Variants in KIF1B observed in about 807,000 individuals in gnomAD.
The protein encoded by KIF1B is kinesin-like protein KIF1B.
KIF1B carries 76 observed loss-of-function variants against 241.9 expected under a neutral mutation model. The observed-to-expected ratio is 0.31, with a 90% CI of 0.26 to 0.38. The LOEUF is 0.38. Among genes scored for constraint, KIF1B ranks in the 10% least tolerant of loss-of-function variants. The pLI, the probability that KIF1B is intolerant of heterozygous loss-of-function variation, is 1.00. For missense variants in KIF1B, 1,622 were observed against 2,271.4 expected (o/e 0.71, Z 5.81); for synonymous variants, 750 against 796.7 (o/e 0.94, Z 0.99).
At chr1:10,258,024 G>T (rs1050348572) in intron 3 of KIF1B, among the ~76,000 whole-genome samples, 2 of 152,218 alleles carry the variant, frequency 1.3e-5, no homozygotes, top group African/African-American at 4.8e-5. Context: ...ATTGTCAAGG[G>T]AAGGGACTGA....
rs1464380785 is a variant in KIF1B, at chr1:10,310,831, G to C, written c.2116-9212G>C. Among the ~76,000 whole-genome samples, 3 of 151,476 alleles carry C rather than the reference G, an allele frequency of 2.0e-5. No individual in the cohort carries two copies. In the East Asian group the frequency reaches 5.8e-4, roughly 29 times the overall value. On this transcript the variant is annotated intron_variant, in intron 22 of 48. Coordinates refer to ENST00000676179, the MANE Select transcript of KIF1B (RefSeq NM_001365951.3). ...AAGTGCCATGATGGAAAAACACAAG[G>C]TGCTCTGAAAGGGTTTAACGGGTGC...
At position 10,276,403 on chromosome 1, in the gene KIF1B, C is replaced by T. The variant is rs2102222404; in HGVS notation, c.1037+4C>T. The T allele has an allele frequency of 6.2e-7, 1 of 1,609,924 alleles. No homozygotes were observed. On this transcript the variant is annotated splice_donor_region_variant and intron_variant, in intron 12 of 48. Coordinates refer to ENST00000676179, the MANE Select transcript of KIF1B (RefSeq NM_001365951.3). ...ATGAGACTTTGAGCACTCTGAGGTA[C>T]TTTCTTTTGATCTCAGTAACAACAT...
At chr1:10,244,746 G>A (rs1296125516) in intron 2 of KIF1B, among the ~76,000 whole-genome samples, 1 of 151,802 alleles carries the variant, frequency 6.6e-6, no homozygotes, top group Non-Finnish European at 1.5e-5. Flanking sequence ...CCGAGTAGCT[G>A]GGACTACAGG....
intron 5 of KIF1B, among the ~76,000 whole-genome samples, chr1:10,265,583 A>G (rs950613264): frequency 6.6e-6 from 1 of 152,078 alleles, no homozygotes; most frequent in African/African-American, 2.4e-5. Flanking sequence ...GGTGGCTCAC[A>G]CCTGTAATCC....
intron 38 of KIF1B, among the ~76,000 whole-genome samples, chr1:10,353,122 A>G (rs934702343): frequency 1.3e-5 from 2 of 152,184 alleles, no homozygotes; most frequent in East Asian, 1.9e-4. Flanking sequence ...GTGGAGAGAA[A>G]GGTTTCTCTC....
At chr1:10,355,025 T>A (rs1363079805) in intron 38 of KIF1B, among the ~76,000 whole-genome samples, 1 of 152,196 alleles carries the variant, frequency 6.6e-6, no homozygotes, top group Non-Finnish European at 1.5e-5. Context: ...AGTCCTACAT[T>A]TATGTTAATG....
chr1:10,291,222 C>T (rs1649981036), intron 16 of KIF1B, 61 bp downstream of exon 16: 41 of 1,144,000 alleles, frequency 3.6e-5, no homozygotes, highest in Non-Finnish European at 4.7e-5. Context: ...ATTACTTTAT[C>T]GTAAGAAAAG....
intron 36 of KIF1B, among the ~76,000 whole-genome samples, chr1:10,348,309 T>C (rs560617238): frequency 5.0e-4 from 76 of 152,284 alleles, no homozygotes; most frequent in African/African-American, 1.7e-3. Context: ...AGGGATACCA[T>C]ACATTTGGGA....
intron 1 of KIF1B, among the ~76,000 whole-genome samples, chr1:10,217,863 C>A (rs1011477365): frequency 6.6e-6 from 1 of 152,054 alleles, no homozygotes; most frequent in South Asian, 2.1e-4. Context: ...TAATGTCCTC[C>A]CTCTCCCTAC....
rs78611156 is a variant in KIF1B, at chr1:10,334,565, C to A, written c.2970C>A (p.Ile990=). The change falls in exon 28 of 49, where the codon ATC becomes ATA. Residue 990 remains isoleucine, a synonymous_variant. Coordinates refer to ENST00000676179, the MANE Select transcript of KIF1B (RefSeq NM_001365951.3). The part of the protein sequence containing the change: ...LSNLLYPVPL[I]HRVAIVSEKG... Reference sequence around the variant, plus strand: ...ATCTGCTGTATCCCGTGCCCCTGATCCACAGGGTGGCCATCGTCAGTGAGA... The same window carrying A: ...ATCTGCTGTATCCCGTGCCCCTGATACACAGGGTGGCCATCGTCAGTGAGA... The A allele has an allele frequency of 3.5e-4, 569 of 1,614,104 alleles. 5 individuals carry two copies. The African/African-American group carries it at 6.9e-3, about 20-fold the overall frequency.
At position 10,303,508 on chromosome 1, in the gene KIF1B, G is replaced by A. The variant is rs199930210; in HGVS notation, c.2115+6262G>A. 6.2e-7 allele frequency: 1 copy of A among 1,614,186 alleles called. No homozygotes were observed. Among genetic ancestry groups the A allele is most frequent in the Admixed American group, 1.7e-5 (1 of 60,014 alleles). ...GATGAAGGAGCTTTGTGCCATGTATGGCAAGAAAGACCCCAATGAGCGGGA... is the reference window on the plus strand; with the variant it reads ...GATGAAGGAGCTTTGTGCCATGTATAGCAAGAAAGACCCCAATGAGCGGGA... On this transcript the variant is annotated intron_variant, in intron 22 of 48. Coordinates refer to ENST00000676179, the MANE Select transcript of KIF1B (RefSeq NM_001365951.3). The surrounding 1 kb of genome is among the most constrained non-coding windows in gnomAD (Gnocchi z 5.2).
At chr1:10,271,689 T>C in intron 8 of KIF1B, 110 bp downstream of exon 8, 1 of 794,618 alleles carries the variant, frequency 1.3e-6, no homozygotes, top group Non-Finnish European at 2.2e-6. Flanking sequence ...GTATTGTCTA[T>C]GGCTGCTTTT....
At chr1:10,306,294 A>G (rs1313102375) in intron 22 of KIF1B, 1 of 1,046,410 alleles carries the variant, frequency 9.6e-7, no homozygotes, top group Non-Finnish European at 1.2e-6. Context: ...TACTGAGATG[A>G]CAATCTCCTG....
chr1:10,316,071 A>AG (rs1376463138), intron 22 of KIF1B, among the ~76,000 whole-genome samples: 1 of 143,574 alleles, frequency 7.0e-6, no homozygotes, highest in African/African-American at 2.6e-5. Flanking sequence ...AAAAAAAAAA[A>AG]AAAAGCTATG....
chr1:10,346,943 C>G (rs1336840623), intron 35 of KIF1B, among the ~76,000 whole-genome samples: 1 of 152,150 alleles, frequency 6.6e-6, no homozygotes, highest in East Asian at 1.9e-4. Context: ...TTGTGACAAC[C>G]AAAAATGTCT....
At chr1:10,336,521 C>A in intron 28 of KIF1B, 136 bp from the exon 29 acceptor site, 1 of 756,610 alleles carries the variant, frequency 1.3e-6, no homozygotes, top group Middle Eastern at 3.7e-4. Context: ...GAGTGCGAAG[C>A]AGCCCATGCC....
At chr1:10,334,437 A>G (rs149039553) in intron 27 of KIF1B, 83 bp from the exon 28 acceptor site, 1 of 1,038,030 alleles carries the variant, frequency 9.6e-7, no homozygotes. Flanking sequence ...TCACAGTTGC[A>G]GGAAGATGTT....
chr1:10,327,734 A>G lies in KIF1B; in HGVS notation c.2924+1375A>G, dbSNP rs554134326. Reference sequence around the variant, plus strand: ...TCAACAGTAGAGCATGCATTGAATTAACCAAAAAGTATGTCCAGGTTTAAA... The same window carrying G: ...TCAACAGTAGAGCATGCATTGAATTGACCAAAAAGTATGTCCAGGTTTAAA... On this transcript the variant is annotated intron_variant, in intron 27 of 48. Coordinates refer to ENST00000676179, the MANE Select transcript of KIF1B (RefSeq NM_001365951.3). 4.5e-4 allele frequency among the ~76,000 whole-genome samples: 68 copies of G among 152,318 alleles called. 1 individual carries two copies. The highest frequency in any genetic ancestry group is 1.4e-3 in the African/African-American group (58 of 41,564).
At chr1:10,341,304 G>C (rs1652383127) in intron 32 of KIF1B, among the ~76,000 whole-genome samples, 1 of 152,234 alleles carries the variant, frequency 6.6e-6, no homozygotes, top group South Asian at 2.1e-4. Flanking sequence ...GGGATAGGAA[G>C]CTCCCTGAAG....
Sources: gnomAD v4.1 joint callset for allele counts (sites outside exome capture counted in the v4.1 genomes callset) on GRCh38, gnomAD v4.1.1 for gene constraint, Gnocchi (gnomAD v3.1) non-coding constraint, MANE v1.5 for transcripts, NCBI Gene and HGNC (gene_info 2026-07-23, HGNC 2026-07-21) for gene names.